The following SEMA6D variants were observed in gnomAD, a reference collection of about 807,000 sequenced individuals.
SEMA6D encodes semaphorin 6D.
A neutral mutation model predicts 106.6 loss-of-function variants in SEMA6D; 35 were observed. The ratio of observed to expected loss-of-function variants is 0.33; its 90% CI spans 0.25 to 0.44. The LOEUF (loss-of-function observed/expected upper bound fraction) is 0.44. Ranked by LOEUF, SEMA6D falls within the 20% of genes least tolerant of loss-of-function variation. The pLI, the probability that SEMA6D is intolerant of heterozygous loss-of-function variation, is 1.00. For synonymous variants in SEMA6D, 499 were observed against 487.7 expected (o/e 1.02, Z -0.31); for missense variants, 1,185 against 1,345.9 (o/e 0.88, Z 1.87).
intron 1 of SEMA6D, among the ~76,000 whole-genome samples, chr15:47,254,329 G>GTATATATATATATATATATATA (rs201817469): frequency 3.0e-5 from 4 of 132,660 alleles, no homozygotes; most frequent in Non-Finnish European, 6.6e-5. Context: ...ATGTGTGTGT[G>GTATATATATATATATATATATA]TGTATATATA....
At chr15:47,589,503 G>C (rs1284508841) in intron 3 of SEMA6D, among the ~76,000 whole-genome samples, 1 of 152,208 alleles carries the variant, frequency 6.6e-6, no homozygotes, top group Non-Finnish European at 1.5e-5. Flanking sequence ...GGCCTGCTGA[G>C]CCATGGGCTC....
intron 2 of SEMA6D, among the ~76,000 whole-genome samples, chr15:47,447,343 C>T (rs1050371826): frequency 6.6e-6 from 1 of 152,056 alleles, no homozygotes; most frequent in Non-Finnish European, 1.5e-5. Flanking sequence ...TTCATCCCAC[C>T]CCCAACCTCT....
At chr15:47,514,840 C>T (rs1375922081) in intron 3 of SEMA6D, among the ~76,000 whole-genome samples, 2 of 152,184 alleles carry the variant, frequency 1.3e-5, no homozygotes, top group African/African-American at 4.8e-5. Flanking sequence ...AAAATATGTT[C>T]CATGGAGCAG....
chr15:47,603,202 G>A (rs572494913), intron 4 of SEMA6D, among the ~76,000 whole-genome samples: 1 of 152,116 alleles, frequency 6.6e-6, no homozygotes, highest in East Asian at 1.9e-4. Flanking sequence ...GATGTCAATG[G>A]CTCCCTTAGT....
intron 4 of SEMA6D, among the ~76,000 whole-genome samples, chr15:47,710,341 T>C (rs1057371813): frequency 1.3e-5 from 2 of 152,134 alleles, no homozygotes; most frequent in African/African-American, 4.8e-5. Context: ...AGAAAACAAA[T>C]TTTTGAGTTA....
chr15:47,311,115 A>T (rs924408626), intron 1 of SEMA6D, among the ~76,000 whole-genome samples: 1 of 152,228 alleles, frequency 6.6e-6, no homozygotes, highest in Admixed American at 6.5e-5. Flanking sequence ...TTATCAACAG[A>T]ACGTGAGACA....
intron 1 of SEMA6D, among the ~76,000 whole-genome samples, chr15:47,294,385 G>A (rs1444396930): frequency 1.3e-5 from 2 of 151,876 alleles, no homozygotes; most frequent in African/African-American, 2.4e-5. Flanking sequence ...CACCATGCCC[G>A]GCTAATTTTT....
chr15:47,516,830 T>C (rs946268094), intron 3 of SEMA6D, among the ~76,000 whole-genome samples: 1 of 152,228 alleles, frequency 6.6e-6, no homozygotes, highest in Non-Finnish European at 1.5e-5. Context: ...CAGAGCCTGG[T>C]GTCCCCAGGG....
intron 4 of SEMA6D, among the ~76,000 whole-genome samples, chr15:47,675,031 A>G (rs987527285): frequency 6.6e-6 from 1 of 152,250 alleles, no homozygotes; most frequent in African/African-American, 2.4e-5. Flanking sequence ...ACATAACAGC[A>G]TATCAGCAAT....
intron 1 of SEMA6D, among the ~76,000 whole-genome samples, chr15:47,259,592 CT>C (rs2033971682): frequency 6.6e-6 from 1 of 151,884 alleles, no homozygotes; most frequent in South Asian, 2.1e-4. Context: ...TTCTCTGTGG[CT>C]GCTTTCAAAA....
chr15:47,656,604 G>C (rs1428503259), intron 4 of SEMA6D, among the ~76,000 whole-genome samples: 2 of 152,218 alleles, frequency 1.3e-5, no homozygotes, highest in Non-Finnish European at 2.9e-5. Flanking sequence ...AGCTTTTGCT[G>C]TCCAGAATTG....
intron 3 of SEMA6D, among the ~76,000 whole-genome samples, chr15:47,514,416 TA>T (rs1187493950): frequency 6.6e-6 from 1 of 152,180 alleles, no homozygotes; most frequent in Non-Finnish European, 1.5e-5. Context: ...TTTGCCTCCT[TA>T]ACATCACCAG....
intron 4 of SEMA6D, among the ~76,000 whole-genome samples, chr15:47,652,970 A>C (rs1266858815): frequency 6.6e-6 from 1 of 152,336 alleles, no homozygotes; most frequent in African/African-American, 2.4e-5. Flanking sequence ...TGAAACATAC[A>C]AGAGCCTAGC....
At chr15:47,650,863 G>A (rs1212875650) in intron 4 of SEMA6D, among the ~76,000 whole-genome samples, 1 of 152,044 alleles carries the variant, frequency 6.6e-6, no homozygotes, top group African/African-American at 2.4e-5. Flanking sequence ...TCCTGACATG[G>A]TATAAGAAGA....
At chr15:47,334,051 C>G (rs1269508343) in intron 1 of SEMA6D, among the ~76,000 whole-genome samples, 1 of 152,124 alleles carries the variant, frequency 6.6e-6, no homozygotes, top group Non-Finnish European at 1.5e-5. Flanking sequence ...TTAAATCATG[C>G]ACTTTTTATT....
chr15:47,244,345 G>C (rs567209120), intron 1 of SEMA6D, among the ~76,000 whole-genome samples: 15 of 152,116 alleles, frequency 9.9e-5, no homozygotes, highest in South Asian at 2.1e-4. Flanking sequence ...CATCTGCGAA[G>C]AAGAATATCT....
intron 4 of SEMA6D, among the ~76,000 whole-genome samples, chr15:47,610,416 C>A (rs2143826502): frequency 6.6e-6 from 1 of 152,318 alleles, no homozygotes; most frequent in East Asian, 1.9e-4. Context: ...TCACCTTTAA[C>A]CACATCTCCT....
chr15:47,662,355 T>A (rs2077940484), intron 4 of SEMA6D, among the ~76,000 whole-genome samples: 1 of 152,144 alleles, frequency 6.6e-6, no homozygotes, highest in South Asian at 2.1e-4. Flanking sequence ...GGCAAATCCA[T>A]TTCTGTGATT....
At chr15:47,359,236 T>G (rs1485670802) in intron 1 of SEMA6D, among the ~76,000 whole-genome samples, 3 of 152,230 alleles carry the variant, frequency 2.0e-5, no homozygotes, top group African/African-American at 7.2e-5. Context: ...TTTATACATA[T>G]GTGTATGTGT....
Sources: gnomAD v4.1 joint callset for allele counts (sites outside exome capture counted in the v4.1 genomes callset) on GRCh38, gnomAD v4.1.1 for gene constraint, MANE v1.5 for transcripts, NCBI Gene and HGNC (gene_info 2026-07-23, HGNC 2026-07-21) for gene names.